The following MIPOL1 variants were observed in gnomAD, a reference collection of about 807,000 sequenced individuals.
MIPOL1 encodes mirror-image polydactyly 1.
A neutral mutation model predicts 60.9 loss-of-function variants in MIPOL1; 57 were observed. The observed-to-expected ratio is 0.94, with a 90% CI of 0.76 to 1.17. MIPOL1 has a LOEUF of 1.17. Ranked by LOEUF, MIPOL1 falls within the 50% of genes most tolerant of loss-of-function variation. The pLI, the probability that MIPOL1 is intolerant of heterozygous loss-of-function variation, is 0.00. For synonymous variants in MIPOL1, 179 were observed against 168.8 expected (o/e 1.06, Z -0.47); for missense variants, 551 against 511.6 (o/e 1.08, Z -0.74).
intron 11 of MIPOL1, among the ~76,000 whole-genome samples, chr14:37,469,561 G>A (rs556949916): frequency 2.3e-4 from 35 of 152,098 alleles, no homozygotes; most frequent in African/African-American, 7.5e-4. Flanking sequence ...GAATAATGGC[G>A]GTCACTCTAA....
intron 9 of MIPOL1, among the ~76,000 whole-genome samples, chr14:37,368,511 C>T (rs1389101245): frequency 1.3e-5 from 2 of 152,182 alleles, no homozygotes; most frequent in East Asian, 1.9e-4. Context: ...ATTATGACAA[C>T]TATCCATTTG....
chr14:37,295,002 T>A (rs1404638110), intron 7 of MIPOL1, among the ~76,000 whole-genome samples: 1 of 152,034 alleles, frequency 6.6e-6, no homozygotes, highest in Non-Finnish European at 1.5e-5. Flanking sequence ...CACGTAATTG[T>A]CAGATTCACC....
At chr14:37,305,448 A>G (rs951733963) in intron 7 of MIPOL1, among the ~76,000 whole-genome samples, 3 of 151,818 alleles carry the variant, frequency 2.0e-5, no homozygotes, top group African/African-American at 4.8e-5. Flanking sequence ...CTTATTGTGT[A>G]TGGCTGCTTT....
intron 11 of MIPOL1, among the ~76,000 whole-genome samples, chr14:37,450,218 T>C (rs1201010874): frequency 6.6e-6 from 1 of 152,172 alleles, no homozygotes; most frequent in Non-Finnish European, 1.5e-5. Context: ...GGGCAGTCCA[T>C]CTCCCTGTTG....
chr14:37,223,299 C>T (rs1261962693), intron 1 of MIPOL1, among the ~76,000 whole-genome samples: 2 of 152,064 alleles, frequency 1.3e-5, no homozygotes, highest in South Asian at 2.1e-4. Flanking sequence ...TCCCAAAGTA[C>T]TGGGATTACA....
At chr14:37,362,249 G>T (rs1280912491) in intron 9 of MIPOL1, among the ~76,000 whole-genome samples, 1 of 152,178 alleles carries the variant, frequency 6.6e-6, no homozygotes, top group East Asian at 1.9e-4. Flanking sequence ...GGCTAGTACT[G>T]GTTGTTCCTT....
At chr14:37,207,149 G>T (rs1227720388) in intron 1 of MIPOL1, among the ~76,000 whole-genome samples, 1 of 152,140 alleles carries the variant, frequency 6.6e-6, no homozygotes, top group Non-Finnish European at 1.5e-5. Flanking sequence ...TGTAGCTCCC[G>T]TAATTCCCTC....
chr14:37,405,669 A>G (rs2093573550), intron 10 of MIPOL1, among the ~76,000 whole-genome samples: 2 of 152,014 alleles, frequency 1.3e-5, no homozygotes, highest in Non-Finnish European at 2.9e-5. Flanking sequence ...TTATAAATTA[A>G]TATTTCTTTT....
intron 12 of MIPOL1, 88 bp downstream of exon 12, chr14:37,500,226 T>G: frequency 1.1e-6 from 1 of 902,284 alleles, no homozygotes; most frequent in Non-Finnish European, 1.7e-6. Flanking sequence ...ATGTAGTTAT[T>G]GATCATGTTA....
intron 12 of MIPOL1, chr14:37,545,613 T>A (rs982150597): frequency 1.1e-5 from 7 of 613,314 alleles, no homozygotes; most frequent in Admixed American, 2.8e-5. Context: ...TAAAGCAAAG[T>A]TTTTTGATGC....
chr14:37,432,945 G>T (rs1007493208), intron 11 of MIPOL1, among the ~76,000 whole-genome samples: 15 of 152,286 alleles, frequency 9.8e-5, no homozygotes, highest in South Asian at 6.2e-4. Context: ...TATATAAATA[G>T]GGCAAGAGAT....
intron 1 of MIPOL1, 194 bp downstream of exon 1, chr14:37,198,298 C>T (rs7145475): frequency 0.21 from 32,271 of 152,384 alleles, 3,853 homozygotes; most frequent in South Asian, 0.32. Flanking sequence ...GTGGGGTCCT[C>T]AGGTGGCAGA....
At chr14:37,223,142 C>A (rs1373386208) in intron 1 of MIPOL1, among the ~76,000 whole-genome samples, 3 of 152,038 alleles carry the variant, frequency 2.0e-5, no homozygotes, top group African/African-American at 4.8e-5. Flanking sequence ...AAGCGATTCT[C>A]CTGCCTCAGT....
At chr14:37,230,154 C>T (rs1441869915) in intron 1 of MIPOL1, among the ~76,000 whole-genome samples, 1 of 152,040 alleles carries the variant, frequency 6.6e-6, no homozygotes, top group Non-Finnish European at 1.5e-5. Flanking sequence ...TTCAAAACAA[C>T]ATGTTGTGCA....
chr14:37,287,339 G>T (rs2084659300), intron 7 of MIPOL1, among the ~76,000 whole-genome samples: 1 of 152,054 alleles, frequency 6.6e-6, no homozygotes, highest in African/African-American at 2.4e-5. Flanking sequence ...CTTGAACTGG[G>T]CTCAAGTGAT....
chr14:37,393,667 C>A (rs980773057), intron 10 of MIPOL1, among the ~76,000 whole-genome samples: 1 of 151,518 alleles, frequency 6.6e-6, no homozygotes. Context: ...TTATGGCAGG[C>A]CAACCTTTTA....
At chr14:37,455,535 A>AGTTATCTG (rs1222409111) in intron 11 of MIPOL1, among the ~76,000 whole-genome samples, 1 of 152,004 alleles carries the variant, frequency 6.6e-6, no homozygotes, top group Non-Finnish European at 1.5e-5. Flanking sequence ...AAACTGCTTT[A>AGTTATCTG]GTTATCTGTA....
At position 37,318,412 on chromosome 14, in the gene MIPOL1, T is replaced by C. The variant is rs1436738073; in HGVS notation, c.828+9893T>C. Reference sequence around the variant, plus strand: ...TTTTCAGGAAAAGTAGGGAACATATTTGATATTCTTAATTACAGTGGCTGT... The same window carrying C: ...TTTTCAGGAAAAGTAGGGAACATATCTGATATTCTTAATTACAGTGGCTGT... On this transcript the variant is annotated intron_variant, in intron 9 of 12. Transcript: ENST00000684589. 2.0e-5 allele frequency among the ~76,000 whole-genome samples: 3 copies of C among 152,332 alleles called. No homozygotes were observed. The East Asian group carries it at 5.8e-4, about 29-fold the overall frequency.
At position 37,416,646 on chromosome 14, in the gene MIPOL1, G is replaced by A. The variant is rs112120747; in HGVS notation, c.937-6209G>A. On this transcript the variant is annotated intron_variant, in intron 10 of 12. Coordinates refer to ENST00000684589, the MANE Select transcript of MIPOL1 (RefSeq NM_001388067.1). ...AAGCGTTGTTATTCTGTGTGTGACT[G>A]TACTAATTTTGTTGGGAAGGAAAAT... Among the ~76,000 whole-genome samples the A allele has an allele frequency of 2.3e-3, 350 of 152,260 alleles. 3 individuals are homozygous for A. The highest frequency in any genetic ancestry group is 7.8e-3 in the African/African-American group (324 of 41,552).
Sources: gnomAD v4.1 joint callset for allele counts (sites outside exome capture counted in the v4.1 genomes callset) on GRCh38, gnomAD v4.1.1 for gene constraint, MANE v1.5 for transcripts, NCBI Gene and HGNC (gene_info 2026-07-23, HGNC 2026-07-21) for gene names.